TRPC4: variants seen among roughly 807,000 people sequenced by gnomAD.
The protein encoded by TRPC4 is transient receptor potential cation channel subfamily C member 4, also known as short transient receptor potential channel 4.
TRPC4 carries 49 observed loss-of-function variants against 99.4 expected under a neutral mutation model. That is an observed-to-expected ratio of 0.49 (90% CI 0.39 to 0.63). The LOEUF (loss-of-function observed/expected upper bound fraction) is 0.63. Ranked by LOEUF, TRPC4 falls within the 20% of genes least tolerant of loss-of-function variation. The pLI, the probability that TRPC4 is intolerant of heterozygous loss-of-function variation, is 0.00. For missense variants in TRPC4, 898 were observed against 1,152.9 expected, an observed-to-expected ratio of 0.78 and a Z score of 3.20; for synonymous variants, 454 against 425.9, an observed-to-expected ratio of 1.07 and a Z score of -0.81.
intron 8 of TRPC4, among the ~76,000 whole-genome samples, chr13:37,645,186 A>C (rs1314379829): frequency 1.3e-5 from 2 of 152,090 alleles, no homozygotes; most frequent in African/African-American, 2.4e-5. Context: ...CACAGTTTGC[A>C]GGTTCCTCCT....
At chr13:37,645,793 G>A (rs185097732) in intron 8 of TRPC4, among the ~76,000 whole-genome samples, 4 of 152,260 alleles carry the variant, frequency 2.6e-5, no homozygotes, top group African/African-American at 7.2e-5. Flanking sequence ...AATAATTCAC[G>A]TGAAATGCCT....
chr13:37,693,484 A>C (rs1259889690), intron 3 of TRPC4, among the ~76,000 whole-genome samples: 1 of 152,210 alleles, frequency 6.6e-6, no homozygotes, highest in East Asian at 1.9e-4. Context: ...AAGCAAACTT[A>C]GTGCTTGTTC....
At chr13:37,755,116 G>A (rs1283034467) in intron 2 of TRPC4, among the ~76,000 whole-genome samples, 1 of 151,998 alleles carries the variant, frequency 6.6e-6, no homozygotes, top group Non-Finnish European at 1.5e-5. Context: ...ACATTCTGAA[G>A]TGACATTCAT....
intron 2 of TRPC4, among the ~76,000 whole-genome samples, chr13:37,775,156 G>A (rs1181861328): frequency 6.6e-6 from 1 of 151,502 alleles, no homozygotes; most frequent in East Asian, 1.9e-4. Flanking sequence ...CTTTATACTA[G>A]CACTAAAACT....
At chr13:37,856,315 C>A (rs1269810458) in intron 1 of TRPC4, among the ~76,000 whole-genome samples, 1 of 149,574 alleles carries the variant, frequency 6.7e-6, no homozygotes, top group Non-Finnish European at 1.5e-5. Context: ...TAAAATTGAA[C>A]CATGAACAAA....
At chr13:37,666,334 C>G (rs1310069876) in intron 5 of TRPC4, among the ~76,000 whole-genome samples, 1 of 152,156 alleles carries the variant, frequency 6.6e-6, no homozygotes, top group African/African-American at 2.4e-5. Context: ...CTATTAGGTC[C>G]CCCACTGGGG....
At chr13:37,746,536 T>C (rs1593646286) in intron 2 of TRPC4, 81 bp from the exon 3 acceptor site, 7 of 1,448,606 alleles carry the variant, frequency 4.8e-6, no homozygotes, top group Non-Finnish European at 6.4e-6. Flanking sequence ...GCTATAGCAA[T>C]ATGGAACAGG....
intron 2 of TRPC4, among the ~76,000 whole-genome samples, chr13:37,771,087 A>T (rs533268293): frequency 6.6e-5 from 10 of 151,790 alleles, no homozygotes; most frequent in East Asian, 2.0e-4. Flanking sequence ...CCAATATTGT[A>T]TAGAAAACAG....
rs192718056 is a variant in TRPC4 at position 37,719,983 on chromosome 13, T to C, written c.897+25954A>G. Reference sequence around the variant, plus strand: ...TAAGTGGGCTCGGTGTAGTCAGAAGTGTTCTTAAAAGATGGAAGAAGGAGG... The same window carrying C: ...TAAGTGGGCTCGGTGTAGTCAGAAGCGTTCTTAAAAGATGGAAGAAGGAGG... On this transcript the variant is annotated intron_variant, in intron 3 of 10. Coordinates refer to ENST00000379705, the MANE Select transcript of TRPC4 (RefSeq NM_016179.4). 3.7e-4 allele frequency among the ~76,000 whole-genome samples: 57 copies of C among 152,098 alleles called. 1 individual carries two copies. In the East Asian group the frequency reaches 9.9e-3, roughly 26 times the overall value.
intron 3 of TRPC4, among the ~76,000 whole-genome samples, chr13:37,706,880 A>G (rs369133670): frequency 1.3e-5 from 2 of 152,298 alleles, no homozygotes; most frequent in East Asian, 1.9e-4. Flanking sequence ...GAACTGATGA[A>G]AGAAGGGCAA....
intron 1 of TRPC4, among the ~76,000 whole-genome samples, chr13:37,786,481 A>G (rs375773168): frequency 2.8e-4 from 43 of 152,176 alleles, no homozygotes; most frequent in African/African-American, 9.6e-4. Context: ...CAAAAACAAT[A>G]AAGTTTAACA....
In TRPC4 at chr13:37,675,462, A is replaced by G. The variant is rs527551109; in HGVS notation, c.1235-1095T>C. 2.2e-4 allele frequency among the ~76,000 whole-genome samples: 34 copies of G among 152,254 alleles called. 1 individual carries two copies. Among genetic ancestry groups the G allele is most frequent in the South Asian group, 4.2e-4 (2 of 4,818 alleles). On this transcript the variant is annotated intron_variant, in intron 4 of 10. Transcript: ENST00000379705. ...ACTAGAATCCCTGGGAGCCACAGTTACAAGGAAAATTTCTACCCTCTTGCA... is the reference window on the plus strand; with the variant it reads ...ACTAGAATCCCTGGGAGCCACAGTTGCAAGGAAAATTTCTACCCTCTTGCA...
intron 5 of TRPC4, among the ~76,000 whole-genome samples, chr13:37,669,484 TAAATC>T (rs1952764021): frequency 6.6e-6 from 1 of 152,184 alleles, no homozygotes; most frequent in Admixed American, 6.5e-5. Flanking sequence ...TAAATGCTAA[TAAATC>T]AAGATACTCA....
intron 2 of TRPC4, among the ~76,000 whole-genome samples, chr13:37,763,325 G>T (rs1956274191): frequency 6.6e-6 from 1 of 151,532 alleles, no homozygotes; most frequent in Non-Finnish European, 1.5e-5. Context: ...TATTGAGGCA[G>T]GTTGGTAGCT....
At chr13:37,731,695 A>AC (rs1955244272) in intron 3 of TRPC4, among the ~76,000 whole-genome samples, 2 of 152,122 alleles carry the variant, frequency 1.3e-5, no homozygotes, top group East Asian at 3.8e-4. Context: ...AATGCAATCA[A>AC]TCAATATTAT....
chr13:37,696,990 T>G (rs1349142566), intron 3 of TRPC4, among the ~76,000 whole-genome samples: 1 of 151,734 alleles, frequency 6.6e-6, no homozygotes, highest in Non-Finnish European at 1.5e-5. Context: ...TTTAAATGTC[T>G]CTGTCTCTCT....
chr13:37,786,544 C>G (rs1436725125), intron 1 of TRPC4, among the ~76,000 whole-genome samples: 2 of 152,042 alleles, frequency 1.3e-5, no homozygotes. Flanking sequence ...ACTGATAAGG[C>G]TGATGAAATC....
intron 8 of TRPC4, among the ~76,000 whole-genome samples, chr13:37,640,926 G>T (rs771769002): frequency 3.9e-4 from 59 of 151,768 alleles, no homozygotes; most frequent in Non-Finnish European, 6.2e-4. Flanking sequence ...TATTGTTTTG[G>T]GATTCTATAA....
At chr13:37,786,942 G>A (rs1956984885) in intron 1 of TRPC4, among the ~76,000 whole-genome samples, 1 of 151,832 alleles carries the variant, frequency 6.6e-6, no homozygotes, top group South Asian at 2.1e-4. Flanking sequence ...GGTAGAGAGA[G>A]CTACAACTTG....
Sources: gnomAD v4.1 joint callset for allele counts (sites outside exome capture counted in the v4.1 genomes callset) on GRCh38, gnomAD v4.1.1 for gene constraint, MANE v1.5 for transcripts, NCBI Gene and HGNC (gene_info 2026-07-23, HGNC 2026-07-21) for gene names.